The following MYO10 variants were observed in gnomAD, a reference collection of about 807,000 sequenced individuals.
The protein encoded by MYO10 is unconventional myosin-X.
A neutral mutation model predicts 257.3 loss-of-function variants in MYO10; 133 were observed. The observed-to-expected ratio is 0.52, with a 90% CI of 0.45 to 0.60. MYO10 has a LOEUF of 0.60. MYO10 is among the 20% of genes least tolerant of loss of function. The probability of loss-of-function intolerance (pLI) is 0.00; values close to 1 mark genes in which losing one functional copy is unlikely to be tolerated. For missense variants in MYO10, 2,399 were observed against 2,635.7 expected (o/e 0.91, Z 1.97); for synonymous variants, 1,104 against 1,028.6 (o/e 1.07, Z -1.40).
rs573773003 is a variant in MYO10, at chr5:16,862,493, T to A, written c.120+15116A>T. Reference sequence around the variant, plus strand: ...AATGATGCTGTCTGATTCCCAGGGATAATTTCTGAACTGTTTTTTGTTCCC... The same window carrying A: ...AATGATGCTGTCTGATTCCCAGGGAAAATTTCTGAACTGTTTTTTGTTCCC... On this transcript the variant is annotated intron_variant, in intron 2 of 40. Transcript: ENST00000513610. 6.1e-4 allele frequency among the ~76,000 whole-genome samples: 93 copies of A among 152,350 alleles called. 1 individual carries two copies. In the South Asian group the frequency reaches 6.6e-3, roughly 11 times the overall value.
At chr5:16,878,099 GC>G (rs1359246182) in intron 1 of MYO10, among the ~76,000 whole-genome samples, 4 of 152,192 alleles carry the variant, frequency 2.6e-5, no homozygotes, top group African/African-American at 9.7e-5. Context: ...CTGAGCGAGT[GC>G]ATGACAGGCA....
chr5:16,860,383 C>T (rs183054296), intron 2 of MYO10, among the ~76,000 whole-genome samples: 1 of 152,112 alleles, frequency 6.6e-6, no homozygotes, highest in South Asian at 2.1e-4. Context: ...GATCAAAGTA[C>T]CCACTGAGTC....
At chr5:16,696,517 C>G (rs1737752053) in intron 26 of MYO10, among the ~76,000 whole-genome samples, 1 of 152,256 alleles carries the variant, frequency 6.6e-6, no homozygotes, top group Non-Finnish European at 1.5e-5. Flanking sequence ...TTGAATGTGT[C>G]TTTACTTTTT....
In MYO10 at chr5:16,847,525, G is replaced by A. The variant is rs150267654; in HGVS notation, c.121-29358C>T. Among the ~76,000 whole-genome samples the A allele has an allele frequency of 4.8e-3, 727 of 152,250 alleles. 7 individuals carry two copies. The highest frequency in any genetic ancestry group is 0.016 in the African/African-American group (681 of 41,554). On this transcript the variant is annotated intron_variant, in intron 2 of 40. Transcript: ENST00000513610. ...AGGCGAGAGGATCGCTAGGCCCCAG[G>A]CACTGGAGATCAGTCTAGGCAACAT...
At chr5:16,724,562 C>T (rs1739279029) in intron 19 of MYO10, among the ~76,000 whole-genome samples, 1 of 149,444 alleles carries the variant, frequency 6.7e-6, no homozygotes, top group Non-Finnish European at 1.5e-5. Context: ...GCTCGATACC[C>T]AGTTATTTTT....
rs1382236633 is a variant in MYO10, at chr5:16,701,378, T to C, written c.3017A>G (p.Asp1006Gly). ...GCCGTGCTCGCTGGGGTTGGGGGAG[T>C]CCTTGAAGGCGTCGTCGTCGGCTTC... ...GFEADDDAFK[D>G]SPNPSEHGHS... The change falls in exon 25 of 41, where the codon GAC becomes GGC. Residue 1006 changes from aspartate to glycine, a missense_variant. Around this residue, in one of 3 missense-constraint regions of MYO10, gnomAD observed 1,820 missense variants for 1,939.4 expected, o/e 0.94. Transcript: ENST00000513610. This position sits in a 1 kb window ranked among gnomAD's most constrained non-coding sequence, Gnocchi z 8.1. The C allele has an allele frequency of 1.2e-6, 2 of 1,613,530 alleles. No individual in the cohort carries two copies. The highest frequency in any genetic ancestry group is 2.7e-5 in the African/African-American group (2 of 74,796).
intron 2 of MYO10, among the ~76,000 whole-genome samples, chr5:16,862,177 A>G (rs1744125031): frequency 6.6e-6 from 1 of 152,172 alleles, no homozygotes; most frequent in Admixed American, 6.5e-5. Flanking sequence ...TAATGTCAGA[A>G]CTGTGGCACC....
At chr5:16,790,405 C>T (rs1044140347) in intron 4 of MYO10, among the ~76,000 whole-genome samples, 3 of 152,142 alleles carry the variant, frequency 2.0e-5, no homozygotes, top group Admixed American at 6.5e-5. Flanking sequence ...TATGGTTTGG[C>T]TGTGTCCCCA....
intron 22 of MYO10, among the ~76,000 whole-genome samples, 152 bp from the exon 23 acceptor site, chr5:16,703,310 T>C (rs1229550388): frequency 6.6e-6 from 1 of 152,072 alleles, no homozygotes; most frequent in African/African-American, 2.4e-5. Context: ...GGAGGCCCCT[T>C]TGGTCAAAAC....
chr5:16,852,723 A>G (rs1214069928), intron 2 of MYO10, among the ~76,000 whole-genome samples: 1 of 151,978 alleles, frequency 6.6e-6, no homozygotes, highest in Non-Finnish European at 1.5e-5. Flanking sequence ...TGTGACTTTG[A>G]TCAAAGCGCT....
At chr5:16,764,982 C>T (rs1740823654) in intron 11 of MYO10, among the ~76,000 whole-genome samples, 1 of 152,132 alleles carries the variant, frequency 6.6e-6, no homozygotes, top group Non-Finnish European at 1.5e-5. Context: ...AGCCACCGCA[C>T]CTGGCACCAG....
intron 1 of MYO10, among the ~76,000 whole-genome samples, chr5:16,901,000 A>G (rs1745362599): frequency 6.6e-6 from 1 of 152,142 alleles, no homozygotes; most frequent in African/African-American, 2.4e-5. Context: ...TCGGCCTCCC[A>G]AAGTGTTGGC....
intron 2 of MYO10, among the ~76,000 whole-genome samples, chr5:16,834,877 G>A (rs759773301): frequency 6.6e-6 from 1 of 152,174 alleles, no homozygotes; most frequent in East Asian, 1.9e-4. Context: ...AGTGCCCATT[G>A]AGAATTTAGA....
chr5:16,813,694 C>T (rs138529414), intron 3 of MYO10, among the ~76,000 whole-genome samples: 62 of 152,278 alleles, frequency 4.1e-4, no homozygotes, highest in Admixed American at 9.2e-4. Context: ...GGGCTCTGCA[C>T]AGGTGATTAT....
rs368894100 is a variant in MYO10 at position 16,761,445 on chromosome 5, G to A, written c.1739+19C>T. 48 of 1,572,396 alleles carry A rather than the reference G, an allele frequency of 3.1e-5. No individual in the cohort carries two copies. The highest frequency in any genetic ancestry group is 1.7e-4 in the Middle Eastern group (1 of 5,982). ...TTCATTTGCTTGCTAAGTACTTCTC[G>A]GTGAGAAGACTGACATACCGGCTTT... On this transcript the variant is annotated intron_variant, in intron 17 of 40. Coordinates refer to ENST00000513610, the MANE Select transcript of MYO10 (RefSeq NM_012334.3).
At chr5:16,806,966 C>A (rs1742296119) in intron 3 of MYO10, among the ~76,000 whole-genome samples, 1 of 152,278 alleles carries the variant, frequency 6.6e-6, no homozygotes, top group Admixed American at 6.5e-5. Context: ...GAAAATAAAA[C>A]CACAATGCTT....
At chr5:16,667,613 A>G (rs556443851) in intron 40 of MYO10, among the ~76,000 whole-genome samples, 22 of 152,092 alleles carry the variant, frequency 1.4e-4, no homozygotes, top group Admixed American at 5.2e-4. Flanking sequence ...ACGACTCCCC[A>G]TCAGCCTAGG....
intron 9 of MYO10, among the ~76,000 whole-genome samples, chr5:16,775,126 A>C (rs1741176862): frequency 6.6e-6 from 1 of 152,158 alleles, no homozygotes; most frequent in African/African-American, 2.4e-5. Context: ...AATAAAATAA[A>C]CCAGTTGTTA....
At chr5:16,756,885 G>C (rs1287859007) in intron 18 of MYO10, among the ~76,000 whole-genome samples, 1 of 152,066 alleles carries the variant, frequency 6.6e-6, no homozygotes, top group East Asian at 1.9e-4. Context: ...AGGATCGCTG[G>C]AGGCCAGAAT....
Sources: allele counts gnomAD v4.1 joint callset (sites outside exome capture counted in the v4.1 genomes callset), GRCh38; gene constraint gnomAD v4.1.1; regional missense constraint gnomAD v4.1.1; non-coding constraint Gnocchi (gnomAD v3.1); transcripts MANE v1.5; gene names NCBI Gene and HGNC (gene_info 2026-07-23, HGNC 2026-07-21).